Variants in TMCO4 observed in about 807,000 individuals in gnomAD.
TMCO4 encodes transmembrane and coiled-coil domain-containing protein 4.
A neutral mutation model predicts 64.7 loss-of-function variants in TMCO4; 58 were observed. The observed-to-expected ratio is 0.90, with a 90% CI of 0.73 to 1.12. The LOEUF (loss-of-function observed/expected upper bound fraction) is 1.12, where lower values mean the gene tolerates loss of function less well. Ranked by LOEUF, TMCO4 falls within the 50% of genes most tolerant of loss-of-function variation. The pLI, the probability that TMCO4 is intolerant of heterozygous loss-of-function variation, is 0.00. For synonymous variants in TMCO4, 325 were observed against 346.1 expected (o/e 0.94, Z 0.68); for missense variants, 780 against 825.9 (o/e 0.94, Z 0.68).
In TMCO4 at chr1:19,771,399, G is replaced by T; in HGVS notation, c.263C>A (p.Ala88Glu). Residue 88 changes from alanine (A) to glutamate (E), a missense_variant, in exon 5 of 16, where the codon GCG (alanine) becomes GAG (glutamate). Ala to Glu is a moderately radical substitution (Grantham distance 107). Transcript: ENST00000294543. ...EAVLPTMTAF[A>E]SGLGGEGADV... ...TGCTCCTTCACCTCCCAGGCCGCTC[G>T]CAAAAGCAGTCATGGTTGGCAAGAC... is the stretch of plus-strand genomic sequence containing the variant. The T allele has an allele frequency of 1.2e-6, 2 of 1,614,130 alleles. No individual in the cohort carries two copies. The highest frequency in any genetic ancestry group is 1.7e-6 in the Non-Finnish European group (2 of 1,180,036).
intron 2 of TMCO4, among the ~76,000 whole-genome samples, chr1:19,787,494 A>G (rs1285582205): frequency 6.6e-6 from 1 of 152,244 alleles, no homozygotes; most frequent in Non-Finnish European, 1.5e-5. Context: ...GTGGGCACTC[A>G]GAAAATGTCA....
intron 9 of TMCO4, 54 bp downstream of exon 9, chr1:19,746,402 T>C: frequency 6.2e-7 from 1 of 1,604,836 alleles, no homozygotes; most frequent in East Asian, 2.2e-5. Context: ...TTTTAGGAAC[T>C]GGGCCACCCT....
Position 19,780,732 on chromosome 1 carries a change from C to G in TMCO4, c.27G>C (p.Gln9His), listed in dbSNP as rs374432620. ...CTACCAGAGGCTGCTGAGGCAGCCT[C>G]TGGCATGGCCTGTTCCACATGGCCA... is the stretch of plus-strand genomic sequence containing the variant. The part of the protein sequence containing the change: MAMWNRPC[Q>H]RLPQQPLVAE... Residue 9 changes from glutamine (Q) to histidine (H), a missense_variant, in exon 4 of 16, where the codon CAG becomes CAC. Coordinates refer to ENST00000294543, the MANE Select transcript of TMCO4 (RefSeq NM_181719.7). 5 of 1,598,858 alleles carry G rather than the reference C, an allele frequency of 3.1e-6. No individual in the cohort carries two copies. The highest frequency in any genetic ancestry group is 4.3e-6 in the Non-Finnish European group (5 of 1,176,030).
chr1:19,709,022 G>A (rs948454233), intron 13 of TMCO4, among the ~76,000 whole-genome samples: 1 of 152,102 alleles, frequency 6.6e-6, no homozygotes, highest in Non-Finnish European at 1.5e-5. Context: ...AGATACACAC[G>A]TGCACATGAT....
chr1:19,792,884 T>G (rs1218018769), intron 2 of TMCO4, among the ~76,000 whole-genome samples: 2 of 150,734 alleles, frequency 1.3e-5, no homozygotes, highest in South Asian at 2.1e-4. Flanking sequence ...AATTCTCCTG[T>G]CTCAGCCACC....
intron 7 of TMCO4, among the ~76,000 whole-genome samples, chr1:19,753,484 C>A (rs184144361): frequency 1.3e-5 from 2 of 152,256 alleles, no homozygotes; most frequent in Admixed American, 1.3e-4. Flanking sequence ...CCTTAGGGCT[C>A]AGACAGGGAC....
At chr1:19,715,161 G>A (rs1174032311) in intron 13 of TMCO4, among the ~76,000 whole-genome samples, 3 of 152,208 alleles carry the variant, frequency 2.0e-5, no homozygotes, top group Admixed American at 6.5e-5. Context: ...CAGCCCGGAG[G>A]GGGTCGAGGC....
At chr1:19,710,979 C>T (rs779330707) in intron 13 of TMCO4, among the ~76,000 whole-genome samples, 5 of 152,218 alleles carry the variant, frequency 3.3e-5, no homozygotes, top group Non-Finnish European at 7.3e-5. Flanking sequence ...AAACACGACA[C>T]ACTTTCTAGT....
At position 19,745,522 on chromosome 1, in the gene TMCO4, T is replaced by C; in HGVS notation, c.877+10A>G. On this transcript the variant is annotated intron_variant, in intron 10 of 15. Coordinates refer to ENST00000294543, the MANE Select transcript of TMCO4 (RefSeq NM_181719.7). ...CACCCCCCTCCACTTCTGGTCCTCCTGGTCCTCACGGTATTTGCCAGAAGC... is the reference window on the plus strand; with the variant it reads ...CACCCCCCTCCACTTCTGGTCCTCCCGGTCCTCACGGTATTTGCCAGAAGC... The C allele has an allele frequency of 6.2e-7, 1 of 1,614,094 alleles. No individual in the cohort carries two copies. Among genetic ancestry groups the C allele is most frequent in the African/African-American group, 1.3e-5 (1 of 75,050 alleles).
chr1:19,735,372 T>C (rs750323505), intron 13 of TMCO4, among the ~76,000 whole-genome samples: 1 of 152,162 alleles, frequency 6.6e-6, no homozygotes, highest in Non-Finnish European at 1.5e-5. Flanking sequence ...AGCCAGTCAG[T>C]GGCAAAGCTA....
rs2095112380 is a variant in TMCO4 at position 19,682,808 on chromosome 1, C to G, written c.*232G>C. The G allele has an allele frequency of 1.4e-6, 1 of 724,152 alleles. No homozygotes were observed. Among genetic ancestry groups the G allele is most frequent in the Non-Finnish European group, 2.5e-6 (1 of 395,168 alleles). The allele number at this position is 724,152 out of a possible 1,614,324, so 44.9% of individuals were successfully genotyped here. A position where few individuals can be genotyped will look rare whatever the true frequency, so the allele number is the denominator to read the frequency against. ...CTGCAGGTCTCTGATGAGGGGGCAG[C>G]TGCTCCCTGGTGGGGCTCCTCTGGG... On this transcript the variant is annotated 3_prime_UTR_variant, in exon 16 of 16. Transcript: ENST00000294543.
chr1:19,710,500 T>C (rs2095326020), intron 13 of TMCO4, among the ~76,000 whole-genome samples: 1 of 152,124 alleles, frequency 6.6e-6, no homozygotes, highest in Admixed American at 6.6e-5. Context: ...GCTTCATACA[T>C]CAATTAATTT....
At chr1:19,799,021 T>A (rs1210291383) in intron 1 of TMCO4, among the ~76,000 whole-genome samples, 3 of 151,300 alleles carry the variant, frequency 2.0e-5, no homozygotes, top group Non-Finnish European at 4.4e-5. Flanking sequence ...TAATTCCCAG[T>A]GCAACCCCAG....
rs899938682 is a variant in TMCO4 at position 19,699,959 on chromosome 1, G to C, written c.1382+809C>G. Among the ~76,000 whole-genome samples, 4 of 152,146 alleles carry C rather than the reference G, an allele frequency of 2.6e-5. No homozygotes were observed. In the South Asian group the frequency reaches 6.2e-4, roughly 24 times the overall value. On this transcript the variant is annotated intron_variant, in intron 14 of 15. Coordinates refer to ENST00000294543, the MANE Select transcript of TMCO4 (RefSeq NM_181719.7). ...ATCCCTCTTTTACTGATGGAGAAACGAAGGTGGGCCTCAGAACCCAGGCCT... is the reference window on the plus strand; with the variant it reads ...ATCCCTCTTTTACTGATGGAGAAACCAAGGTGGGCCTCAGAACCCAGGCCT...
At chr1:19,780,432 C>G in intron 4 of TMCO4, 148 bp downstream of exon 4, 1 of 949,506 alleles carries the variant, frequency 1.1e-6, no homozygotes, top group Non-Finnish European at 1.5e-6. Flanking sequence ...GGTCCACGGC[C>G]TGGAGGTTAG....
rs11587018 is a variant in TMCO4, at chr1:19,721,364, G to A, written c.1264+16008C>T. 2.5e-3 allele frequency among the ~76,000 whole-genome samples: 377 copies of A among 152,288 alleles called. 3 individuals are homozygous for A. Among genetic ancestry groups the A allele is most frequent in the Admixed American group, 6.0e-3 (92 of 15,296 alleles). ...TCCCTGGAGCTTAGGCAGACAGTGT[G>A]GGCACGTGCTCCATTGCTTGAGAGT... On this transcript the variant is annotated intron_variant, in intron 13 of 15. Coordinates refer to ENST00000294543, the MANE Select transcript of TMCO4 (RefSeq NM_181719.7).
intron 7 of TMCO4, among the ~76,000 whole-genome samples, chr1:19,751,271 C>A (rs1368320599): frequency 6.6e-6 from 1 of 152,148 alleles, no homozygotes; most frequent in Admixed American, 6.5e-5. Context: ...TCTCTGAAAA[C>A]CAGAGAGGTA....
chr1:19,771,782 G>A (rs1271549699), intron 4 of TMCO4, among the ~76,000 whole-genome samples: 5 of 151,942 alleles, frequency 3.3e-5, no homozygotes, highest in Admixed American at 6.6e-5. Context: ...TCAGCCTCCC[G>A]AGTAGCTGGG....
At chr1:19,699,355 A>G (rs1375727112) in intron 14 of TMCO4, among the ~76,000 whole-genome samples, 3 of 151,872 alleles carry the variant, frequency 2.0e-5, no homozygotes, top group African/African-American at 4.8e-5. Flanking sequence ...TTCCTATTTT[A>G]TAGGTGGGGA....
Sources: gnomAD v4.1 joint callset for allele counts (sites outside exome capture counted in the v4.1 genomes callset) on GRCh38, gnomAD v4.1.1 for gene constraint, MANE v1.5 for transcripts, NCBI Gene and HGNC (gene_info 2026-07-23, HGNC 2026-07-21) for gene names.